Variants in NAALADL2 observed in about 807,000 individuals in gnomAD.
The protein encoded by NAALADL2 is N-acetylated alpha-linked acidic dipeptidase like 2, also known as inactive N-acetylated-alpha-linked acidic dipeptidase-like protein 2.
NAALADL2 carries 76 observed loss-of-function variants against 87.2 expected under a neutral mutation model. The observed-to-expected ratio is 0.87, with a 90% CI of 0.72 to 1.05. The LOEUF (loss-of-function observed/expected upper bound fraction) is 1.05, where lower values mean the gene tolerates loss of function less well. Ranked by LOEUF, NAALADL2 falls within the 50% of genes least tolerant of loss-of-function variation. The pLI is 0.00. For synonymous variants in NAALADL2, 354 were observed against 331.0 expected, an observed-to-expected ratio of 1.07 and a Z score of -0.75; for missense variants, 1,089 against 945.8, an observed-to-expected ratio of 1.15 and a Z score of -1.99.
intron 5 of NAALADL2, among the ~76,000 whole-genome samples, chr3:175,437,172 G>A (rs181227560): frequency 6.6e-5 from 10 of 151,782 alleles, no homozygotes; most frequent in East Asian, 5.8e-4. Flanking sequence ...GGTATGTGGC[G>A]TTATTTCTGA....
chr3:175,203,553 G>A lies in NAALADL2; in HGVS notation c.546-30378G>A, dbSNP rs534891063. Among the ~76,000 whole-genome samples the A allele has an allele frequency of 2.2e-3, 339 of 152,228 alleles. 2 individuals are homozygous for A. Among genetic ancestry groups the A allele is most frequent in the Non-Finnish European group, 3.6e-3 (245 of 68,008 alleles). On this transcript the variant is annotated intron_variant, in intron 2 of 13. Transcript: ENST00000454872. ...TTCAGAGTTCTATGAGTCTTCTTGG[G>A]ATTACTGGTTTGTTCTTGCAGTTGA...
intron 11 of NAALADL2, among the ~76,000 whole-genome samples, chr3:175,731,260 G>T (rs1038414306): frequency 5.3e-5 from 8 of 152,078 alleles, no homozygotes; most frequent in African/African-American, 1.9e-4. Flanking sequence ...TATGAACATG[G>T]TACCTGCCTT....
At chr3:174,822,765 C>A (rs1460981990) in intron 3 of NAALADL2, among the ~76,000 whole-genome samples, 1 of 152,166 alleles carries the variant, frequency 6.6e-6, no homozygotes, top group African/African-American at 2.4e-5. Context: ...AACCAGAATG[C>A]AACTATGGGA....
At chr3:175,352,859 G>A (rs939050380) in intron 5 of NAALADL2, among the ~76,000 whole-genome samples, 2 of 151,672 alleles carry the variant, frequency 1.3e-5, no homozygotes, top group African/African-American at 4.8e-5. Context: ...AAAAGGAAAA[G>A]ACAAGAAGAA....
chr3:174,770,070 T>C (rs1714342438), intron 3 of NAALADL2, among the ~76,000 whole-genome samples: 1 of 152,188 alleles, frequency 6.6e-6, no homozygotes, highest in South Asian at 2.1e-4. Context: ...TAATCTGTTA[T>C]GTCATATCCA....
At chr3:174,469,719 C>T (rs1192025651) in intron 1 of NAALADL2, among the ~76,000 whole-genome samples, 1 of 152,000 alleles carries the variant, frequency 6.6e-6, no homozygotes, top group African/African-American at 2.4e-5. Flanking sequence ...CATGAGCCAC[C>T]GTGCCTGGCC....
chr3:174,977,343 T>C (rs1744491088), intron 1 of NAALADL2, among the ~76,000 whole-genome samples: 1 of 152,130 alleles, frequency 6.6e-6, no homozygotes, highest in Non-Finnish European at 1.5e-5. Context: ...CAGGCTGGTC[T>C]CAAACTCCTG....
In NAALADL2 at chr3:175,165,975, G is replaced by C. The variant is rs147870233; in HGVS notation, c.546-67956G>C. On this transcript the variant is annotated intron_variant, in intron 2 of 13. Coordinates refer to ENST00000454872, the MANE Select transcript of NAALADL2 (RefSeq NM_207015.3). ...GGACTTTGCCACCGGCCTCACATTAGTTCTCCTGCTACCATTTGCTGGCTT... is the reference window on the plus strand; with the variant it reads ...GGACTTTGCCACCGGCCTCACATTACTTCTCCTGCTACCATTTGCTGGCTT... Among the ~76,000 whole-genome samples the C allele has an allele frequency of 5.3e-3, 803 of 151,304 alleles. 7 individuals are homozygous for C. The highest frequency in any genetic ancestry group is 0.018 in the African/African-American group (752 of 41,228).
chr3:175,446,763 G>T (rs1168179645), intron 5 of NAALADL2, among the ~76,000 whole-genome samples: 1 of 152,096 alleles, frequency 6.6e-6, no homozygotes, highest in Non-Finnish European at 1.5e-5. Context: ...ACCTGGTGTT[G>T]ACAATTTCTA....
At chr3:175,086,848 C>A (rs1466461584) in intron 1 of NAALADL2, among the ~76,000 whole-genome samples, 1 of 152,072 alleles carries the variant, frequency 6.6e-6, no homozygotes, top group African/African-American at 2.4e-5. Flanking sequence ...ACAGATATAG[C>A]TTATTGCTAG....
At chr3:175,183,543 A>T (rs1488796855) in intron 2 of NAALADL2, among the ~76,000 whole-genome samples, 3 of 152,184 alleles carry the variant, frequency 2.0e-5, no homozygotes, top group Non-Finnish European at 4.4e-5. Flanking sequence ...TGTTTATCAT[A>T]AAAGGATATT....
At chr3:174,670,128 G>GT (rs63250260) in intron 2 of NAALADL2, among the ~76,000 whole-genome samples, 5 of 151,446 alleles carry the variant, frequency 3.3e-5, no homozygotes, top group Non-Finnish European at 5.9e-5. Flanking sequence ...ATTTCTAACA[G>GT]TTTTTTTTGT....
At position 175,648,400 on chromosome 3, in the gene NAALADL2, A is replaced by G. The variant is rs937647263; in HGVS notation, c.1896+21014A>G. On this transcript the variant is annotated intron_variant, in intron 11 of 13. Coordinates refer to ENST00000454872, the MANE Select transcript of NAALADL2 (RefSeq NM_207015.3). ...TTTTTGAAAACTGGATATAATTCAT[A>G]TTTAACATACACAAACTAAATGAGA... Among the ~76,000 whole-genome samples, 3 of 151,726 alleles carry G rather than the reference A, an allele frequency of 2.0e-5. 1 individual carries two copies. The South Asian group carries it at 6.2e-4, about 31-fold the overall frequency.
chr3:175,174,120 A>T (rs945577931), intron 2 of NAALADL2, among the ~76,000 whole-genome samples: 2 of 152,222 alleles, frequency 1.3e-5, no homozygotes, highest in South Asian at 4.1e-4. Flanking sequence ...AATCTCACAA[A>T]CATATATAAC....
intron 5 of NAALADL2, among the ~76,000 whole-genome samples, chr3:175,367,905 G>A (rs7635941): frequency 0.023 from 3,550 of 152,218 alleles, 142 homozygotes; most frequent in African/African-American, 0.08. Context: ...GAATAGGAGA[G>A]GTGAGAGAGG....
chr3:175,404,129 C>T (rs1436963508), intron 5 of NAALADL2, among the ~76,000 whole-genome samples: 2 of 152,010 alleles, frequency 1.3e-5, no homozygotes, highest in Non-Finnish European at 2.9e-5. Context: ...GCCACAATTT[C>T]TCACAGTTAT....
chr3:175,457,287 C>T (rs1044638366), intron 6 of NAALADL2, among the ~76,000 whole-genome samples: 1 of 152,078 alleles, frequency 6.6e-6, no homozygotes, highest in East Asian at 1.9e-4. Context: ...TCTCACTCTG[C>T]TTCAGTTTGT....
chr3:174,907,434 C>G (rs1379493177), intron 1 of NAALADL2, among the ~76,000 whole-genome samples: 1 of 151,992 alleles, frequency 6.6e-6, no homozygotes, highest in African/African-American at 2.4e-5. Context: ...ATATGTAGCC[C>G]AGGTCTTGAA....
At chr3:175,483,017 A>T (rs1726730620) in intron 9 of NAALADL2, among the ~76,000 whole-genome samples, 1 of 151,994 alleles carries the variant, frequency 6.6e-6, no homozygotes, top group South Asian at 2.1e-4. Context: ...CTTAAAATAA[A>T]CATACCTGAA....
Sources: gnomAD v4.1 joint callset for allele counts (sites outside exome capture counted in the v4.1 genomes callset) on GRCh38, gnomAD v4.1.1 for gene constraint, MANE v1.5 for transcripts, NCBI Gene and HGNC (gene_info 2026-07-23, HGNC 2026-07-21) for gene names.